Variants in KIF26B observed in about 807,000 individuals in gnomAD.
The protein encoded by KIF26B is kinesin family member 26B.
A neutral mutation model predicts 151.2 loss-of-function variants in KIF26B; 63 were observed. That is an observed-to-expected ratio of 0.42 (90% CI 0.34 to 0.51). The LOEUF (loss-of-function observed/expected upper bound fraction) is 0.51. Among genes scored for constraint, KIF26B ranks in the 20% least tolerant of loss-of-function variants. The probability of loss-of-function intolerance (pLI) is 0.07; values close to 1 mark genes in which losing one functional copy is unlikely to be tolerated. For synonymous variants in KIF26B, 1,357 were observed against 1,262.1 expected, an observed-to-expected ratio of 1.08 and a Z score of -1.59; for missense variants, 2,813 against 2,913.6, an observed-to-expected ratio of 0.97 and a Z score of 0.79.
intron 2 of KIF26B, among the ~76,000 whole-genome samples, chr1:245,199,816 C>T (rs1004017964): frequency 1.2e-4 from 2 of 16,064 alleles, no homozygotes; most frequent in Non-Finnish European, 3.0e-4. Flanking sequence ...TCCATCTGTC[C>T]ATCCATCCAT....
intron 4 of KIF26B, among the ~76,000 whole-genome samples, chr1:245,447,072 C>T (rs1659264716): frequency 6.6e-6 from 1 of 152,182 alleles, no homozygotes; most frequent in African/African-American, 2.4e-5. Flanking sequence ...CCTACAGATG[C>T]AGCTCTTGGT....
At chr1:245,212,518 G>A (rs183832934) in intron 2 of KIF26B, among the ~76,000 whole-genome samples, 6 of 152,322 alleles carry the variant, frequency 3.9e-5, no homozygotes, top group African/African-American at 1.2e-4. Flanking sequence ...GGTGAAAAGC[G>A]AATGCAGGTT....
At chr1:245,422,384 G>A (rs1658510557) in intron 4 of KIF26B, among the ~76,000 whole-genome samples, 2 of 151,996 alleles carry the variant, frequency 1.3e-5, no homozygotes, top group Non-Finnish European at 2.9e-5. Flanking sequence ...AGCGAGGGAG[G>A]CAGCATATTA....
intron 10 of KIF26B, among the ~76,000 whole-genome samples, chr1:245,664,884 A>G (rs1291367939): frequency 1.3e-5 from 2 of 152,112 alleles, no homozygotes; most frequent in African/African-American, 4.8e-5. Flanking sequence ...TTACCTATAT[A>G]TTTACATATA....
At position 245,420,144 on chromosome 1, in the gene KIF26B, A is replaced by C. The variant is rs187985551; in HGVS notation, c.1166+399A>C. 9.1e-4 allele frequency among the ~76,000 whole-genome samples: 139 copies of C among 152,318 alleles called. No individual in the cohort carries two copies. The Middle Eastern group carries it at 0.031, about 34-fold the overall frequency. ...AGGCATCCCTCTGGTGGGTGTTTCC[A>C]GATTTATCTTCTCATTACAGAAATT... On this transcript the variant is annotated intron_variant, in intron 4 of 14. Transcript: ENST00000407071.
chr1:245,193,789 A>G (rs1197849581), intron 2 of KIF26B, among the ~76,000 whole-genome samples: 1 of 152,208 alleles, frequency 6.6e-6, no homozygotes, highest in Non-Finnish European at 1.5e-5. Context: ...CGCCAGATTT[A>G]TGACAACTTA....
In KIF26B at chr1:245,685,848, G is replaced by C. The variant is rs755162410; in HGVS notation, c.2865G>C (p.Gly955=). 6.2e-7 allele frequency: 1 copy of C among 1,612,536 alleles called. No homozygotes were observed. Among genetic ancestry groups the C allele is most frequent in the African/African-American group, 1.3e-5 (1 of 74,926 alleles). The change falls in exon 12 of 15, where the codon GGG becomes GGC. Residue 955 remains glycine, a synonymous_variant. Transcript: ENST00000407071. The part of the protein sequence containing the change: ...FPFEELPAQF[G]PEQASRGPRL... ...TCGAAGAACTGCCTGCTCAGTTTGG[G>C]CCAGAGCAGGCAAGCAGAGGCCCCC...
chr1:245,526,691 C>A (rs2103094038), intron 4 of KIF26B, among the ~76,000 whole-genome samples: 1 of 152,274 alleles, frequency 6.6e-6, no homozygotes, highest in South Asian at 2.1e-4. Flanking sequence ...CTACAGGTAC[C>A]CAGCAAAGAG....
intron 5 of KIF26B, among the ~76,000 whole-genome samples, chr1:245,543,076 G>A (rs1368583293): frequency 3.3e-5 from 5 of 152,154 alleles, no homozygotes; most frequent in Admixed American, 6.5e-5. Flanking sequence ...TGCACCTACA[G>A]TACTGGCCTT....
At chr1:245,440,152 C>G (rs185213062) in intron 4 of KIF26B, among the ~76,000 whole-genome samples, 3 of 151,272 alleles carry the variant, frequency 2.0e-5, no homozygotes, top group African/African-American at 7.3e-5. Context: ...ACCTGGGAGG[C>G]GGAGCTCGCA....
chr1:245,589,004 T>A (rs989948313), intron 5 of KIF26B, among the ~76,000 whole-genome samples: 1 of 152,200 alleles, frequency 6.6e-6, no homozygotes, highest in African/African-American at 2.4e-5. Flanking sequence ...TCTTCTCCCC[T>A]CTTTTAGTGT....
At chr1:245,541,736 C>T (rs1317017871) in intron 5 of KIF26B, among the ~76,000 whole-genome samples, 1 of 152,162 alleles carries the variant, frequency 6.6e-6, no homozygotes, top group Non-Finnish European at 1.5e-5. Flanking sequence ...GTGACTCCGG[C>T]CCTGGGCTTC....
intron 2 of KIF26B, among the ~76,000 whole-genome samples, chr1:245,217,714 T>C (rs1029059401): frequency 6.6e-6 from 1 of 152,152 alleles, no homozygotes; most frequent in Non-Finnish European, 1.5e-5. Context: ...ATTCCTGATT[T>C]GTAATCTCAC....
Position 245,601,368 on chromosome 1 carries a change from C to T in KIF26B, c.1351-1209C>T, listed in dbSNP as rs2043394213. ...AGAGTCGAGATTGGCAGGAGGATCTCCGTCTTGAACAACATTATGATTCTC... is the reference window on the plus strand; with the variant it reads ...AGAGTCGAGATTGGCAGGAGGATCTTCGTCTTGAACAACATTATGATTCTC... On this transcript the variant is annotated intron_variant, in intron 5 of 14. Transcript: ENST00000407071. The surrounding 1 kb of genome is among the most constrained non-coding windows in gnomAD (Gnocchi z 4.4). Among the ~76,000 whole-genome samples the T allele has an allele frequency of 6.6e-6, 1 of 152,186 alleles. No homozygotes were observed. The highest frequency in any genetic ancestry group is 1.5e-5 in the Non-Finnish European group (1 of 68,040).
intron 2 of KIF26B, among the ~76,000 whole-genome samples, chr1:245,177,410 G>T (rs1668827944): frequency 6.6e-6 from 1 of 152,046 alleles, no homozygotes; most frequent in Non-Finnish European, 1.5e-5. Context: ...TATTTTTGTG[G>T]GAATGGTTTT....
chr1:245,426,334 G>A (rs572614435), intron 4 of KIF26B, among the ~76,000 whole-genome samples: 10 of 152,082 alleles, frequency 6.6e-5, no homozygotes, highest in African/African-American at 2.4e-4. Flanking sequence ...GATAAATGTT[G>A]GTGTTCATCT....
At position 245,259,410 on chromosome 1, in the gene KIF26B, C is replaced by A. The variant is rs111278249; in HGVS notation, c.465+102727C>A. Among the ~76,000 whole-genome samples the A allele has an allele frequency of 4.0e-3, 609 of 152,212 alleles. 4 individuals are homozygous for A. The highest frequency in any genetic ancestry group is 0.014 in the African/African-American group (575 of 41,538). On this transcript the variant is annotated intron_variant, in intron 2 of 14. Transcript: ENST00000407071. The stretch of plus-strand genomic sequence containing the variant: ...GCTGAAATGCACACGTGTTACCAGG[C>A]AGGGTTGTGAGGGCCAGTTCAATGA...
At chr1:245,501,147 C>T (rs528145932) in intron 4 of KIF26B, among the ~76,000 whole-genome samples, 4 of 152,222 alleles carry the variant, frequency 2.6e-5, no homozygotes, top group Middle Eastern at 6.8e-3. Flanking sequence ...CAGTAATTTA[C>T]TCGAGGCAAT....
At position 245,212,368 on chromosome 1, in the gene KIF26B, G is replaced by GCCACCTGTTCTCTC. The variant is rs1438550755; in HGVS notation, c.465+55690_465+55703dup. On this transcript the variant is annotated intron_variant, in intron 2 of 14. Transcript: ENST00000407071. ...TCCTGCAGGACACCCTGCCGCCCGTGCCACCTGTTCTCTCCCACGTGATGG... is the reference window on the plus strand; with the variant it reads ...TCCTGCAGGACACCCTGCCGCCCGTGCCACCTGTTCTCTCCCACCTGTTCTCTCCCACGTGATGG... 4.6e-5 allele frequency among the ~76,000 whole-genome samples: 7 copies of GCCACCTGTTCTCTC among 152,262 alleles called. No homozygotes were observed. In the East Asian group the frequency reaches 1.4e-3, roughly 29 times the overall value.
Sources: allele counts gnomAD v4.1 joint callset (sites outside exome capture counted in the v4.1 genomes callset), GRCh38; gene constraint gnomAD v4.1.1; non-coding constraint Gnocchi (gnomAD v3.1); transcripts MANE v1.5; gene names NCBI Gene and HGNC (gene_info 2026-07-23, HGNC 2026-07-21).